The following EXT1 variants were observed in gnomAD, a reference collection of about 807,000 sequenced individuals.
EXT1 encodes exostosin glycosyltransferase 1, also known as exostosin-1.
In EXT1, 20 loss-of-function variants were observed where a neutral mutation model predicts 82.5. That is an observed-to-expected ratio of 0.24 (90% CI 0.17 to 0.35). The LOEUF (loss-of-function observed/expected upper bound fraction) is 0.35, where lower values mean the gene tolerates loss of function less well. Ranked by LOEUF, EXT1 falls within the 10% of genes least tolerant of loss-of-function variation. The pLI, the probability that EXT1 is intolerant of heterozygous loss-of-function variation, is 1.00. For synonymous variants in EXT1, 348 were observed against 350.8 expected, an observed-to-expected ratio of 0.99 and a Z score of 0.09; for missense variants, 757 against 936.5, an observed-to-expected ratio of 0.81 and a Z score of 2.50.
At chr8:118,048,045 A>G (rs1452151529) in intron 1 of EXT1, among the ~76,000 whole-genome samples, 1 of 151,520 alleles carries the variant, frequency 6.6e-6, no homozygotes, top group Non-Finnish European at 1.5e-5. Context: ...AAAAATCAGT[A>G]CCTGGGAACT....
intron 1 of EXT1, among the ~76,000 whole-genome samples, chr8:117,990,039 G>A (rs1177233031): frequency 6.6e-6 from 1 of 152,124 alleles, no homozygotes; most frequent in Non-Finnish European, 1.5e-5. Context: ...TGGGTGTGGT[G>A]GTATGAGCCT....
intron 4 of EXT1, among the ~76,000 whole-genome samples, chr8:117,824,348 T>C (rs6987177): frequency 0.089 from 13,556 of 152,180 alleles, 761 homozygotes; most frequent in African/African-American, 0.16. Context: ...TGTTATCTTT[T>C]AAAATTCAAA....
At chr8:117,881,874 C>CT (rs1293165273) in intron 1 of EXT1, among the ~76,000 whole-genome samples, 2 of 152,214 alleles carry the variant, frequency 1.3e-5, no homozygotes, top group African/African-American at 4.8e-5. Flanking sequence ...GCTACAGCTG[C>CT]TGCTGCACAC....
At chr8:118,087,007 GC>G (rs1247851481) in intron 1 of EXT1, among the ~76,000 whole-genome samples, 1 of 152,146 alleles carries the variant, frequency 6.6e-6, no homozygotes, top group African/African-American at 2.4e-5. Context: ...ATGAAATACT[GC>G]GCTGCATGAT....
intron 1 of EXT1, among the ~76,000 whole-genome samples, chr8:118,008,452 G>C (rs760643394): frequency 3.3e-5 from 5 of 151,928 alleles, no homozygotes; most frequent in African/African-American, 1.2e-4. Flanking sequence ...GTAAAGACAG[G>C]GTTTCAGCAG....
At chr8:118,070,265 T>TGC (rs961048906) in intron 1 of EXT1, among the ~76,000 whole-genome samples, 1 of 148,618 alleles carries the variant, frequency 6.7e-6, no homozygotes, top group Admixed American at 6.7e-5. Context: ...TGTGTGTGTG[T>TGC]GTGTGTGTGT....
chr8:117,850,403 T>C (rs1157925265), intron 1 of EXT1, among the ~76,000 whole-genome samples: 1 of 152,204 alleles, frequency 6.6e-6, no homozygotes, highest in Admixed American at 6.5e-5. Context: ...ATAATCTTTA[T>C]GGAAAGTTAA....
chr8:117,961,369 A>AG (rs1491155059), intron 1 of EXT1, among the ~76,000 whole-genome samples: 2 of 152,222 alleles, frequency 1.3e-5, no homozygotes, highest in Admixed American at 1.3e-4. Flanking sequence ...ATTGGGGGAC[A>AG]GGGGGATTCT....
chr8:118,005,040 G>A (rs1815745786), intron 1 of EXT1, among the ~76,000 whole-genome samples: 1 of 152,136 alleles, frequency 6.6e-6, no homozygotes, highest in Non-Finnish European at 1.5e-5. Context: ...ATGGGGGTGA[G>A]GGAGACAAAG....
chr8:117,887,427 C>T (rs1476908649), intron 1 of EXT1, among the ~76,000 whole-genome samples: 7 of 152,230 alleles, frequency 4.6e-5, no homozygotes, highest in African/African-American at 2.4e-5. Context: ...TCTCATTTCA[C>T]TGCAACCTCC....
At chr8:118,087,628 A>G (rs147572539) in intron 1 of EXT1, among the ~76,000 whole-genome samples, 11 of 152,328 alleles carry the variant, frequency 7.2e-5, no homozygotes, top group Admixed American at 2.6e-4. Context: ...TTTTCCTTCA[A>G]TCTAATGTGT....
intron 1 of EXT1, among the ~76,000 whole-genome samples, chr8:117,872,097 C>A (rs921642996): frequency 1.3e-5 from 2 of 150,842 alleles, no homozygotes; most frequent in African/African-American, 4.9e-5. Flanking sequence ...CTATATCACA[C>A]CACTACACTG....
chr8:117,900,197 G>C (rs1429795383), intron 1 of EXT1, among the ~76,000 whole-genome samples: 2 of 152,196 alleles, frequency 1.3e-5, no homozygotes, highest in African/African-American at 2.4e-5. Flanking sequence ...AAGATGACCA[G>C]AAATGACGCC....
At position 118,110,199 on chromosome 8, in the gene EXT1, A is replaced by T; in HGVS notation, c.848T>A (p.Leu283Ter). Residue 283 changes from leucine to a stop codon, truncating the protein, a stop_gained, in exon 1 of 11, where the codon TTA becomes TAA. Transcript: ENST00000378204. LOFTEE classifies it high-confidence loss of function. ...TGIGSDTRNA[L>*]YHVHNGEDVV... ...GTCCTCCCCGTTATGGACGTGATAT[A>T]AGGCATTCCTGGTGTCTGATCCTAT... The T allele has an allele frequency of 6.2e-7, 1 of 1,614,120 alleles. No individual in the cohort carries two copies. The highest frequency in any genetic ancestry group is 8.5e-7 in the Non-Finnish European group (1 of 1,180,018).
chr8:117,952,958 C>T (rs1385547809), intron 1 of EXT1, among the ~76,000 whole-genome samples: 1 of 152,158 alleles, frequency 6.6e-6, no homozygotes, highest in Non-Finnish European at 1.5e-5. Flanking sequence ...TTGTAAATGA[C>T]TGAATAGTAG....
intron 1 of EXT1, among the ~76,000 whole-genome samples, chr8:117,963,723 C>G (rs1289587425): frequency 6.6e-6 from 1 of 152,104 alleles, no homozygotes; most frequent in Non-Finnish European, 1.5e-5. Flanking sequence ...CTTCTGACCT[C>G]AGGTAATCTG....
chr8:118,063,215 T>A (rs1816914223), intron 1 of EXT1, among the ~76,000 whole-genome samples: 1 of 150,888 alleles, frequency 6.6e-6, no homozygotes, highest in African/African-American at 2.5e-5. Flanking sequence ...AAAAAAAAAA[T>A]TCAAGTTCTC....
At chr8:117,908,499 G>A (rs1432782089) in intron 1 of EXT1, among the ~76,000 whole-genome samples, 1 of 151,888 alleles carries the variant, frequency 6.6e-6, no homozygotes, top group African/African-American at 2.4e-5. Context: ...GCATGGTGGT[G>A]TATGCCTGTA....
intron 1 of EXT1, among the ~76,000 whole-genome samples, chr8:117,866,647 G>A (rs764787189): frequency 2.0e-4 from 30 of 152,076 alleles, no homozygotes; most frequent in Admixed American, 3.3e-4. Flanking sequence ...ATCCATTGTT[G>A]GGTATCTCCC....
Sources: gnomAD v4.1 joint callset for allele counts (sites outside exome capture counted in the v4.1 genomes callset) on GRCh38, gnomAD v4.1.1 for gene constraint, MANE v1.5 for transcripts, NCBI Gene and HGNC (gene_info 2026-07-23, HGNC 2026-07-21) for gene names.